The following SPTSSA variants were observed in gnomAD, a reference collection of about 807,000 sequenced individuals.
The protein encoded by SPTSSA is serine palmitoyltransferase small subunit A.
SPTSSA carries 8 observed loss-of-function variants against 9.1 expected under a neutral mutation model. The ratio of observed to expected loss-of-function variants is 0.88; its 90% confidence interval spans 0.51 to 1.58. SPTSSA has a LOEUF of 1.58. Among genes scored for constraint, SPTSSA ranks in the 40% most tolerant of loss-of-function variants. SPTSSA has a pLI of 0.00. For synonymous variants in SPTSSA, 42 were observed against 37.7 expected (o/e 1.11, Z -0.41); for missense variants, 100 against 93.8 (o/e 1.07, Z -0.27).
At chr14:34,462,069 C>G in intron 1 of SPTSSA, 27 bp downstream of exon 1, 2 of 1,354,088 alleles carry the variant, frequency 1.5e-6, no homozygotes, top group African/African-American at 3.0e-5. Flanking sequence ...CAGCCCGGCC[C>G]CCGCGCGCGC....
chr14:34,453,657 T>C lies in SPTSSA; in HGVS notation c.112+8439A>G, dbSNP rs142808155. 2.7e-4 allele frequency among the ~76,000 whole-genome samples: 41 copies of C among 152,350 alleles called. No homozygotes were observed. In the East Asian group the frequency reaches 7.7e-3, roughly 29 times the overall value. ...ATACATTTTAAGTGGTCTGACTCAA[T>C]AATATTTTCCTATAAACCATATTAT... On this transcript the variant is annotated intron_variant, in intron 1 of 1. Transcript: ENST00000298130.
chr14:34,456,980 T>TTAC (rs1435579828), intron 1 of SPTSSA, among the ~76,000 whole-genome samples: 1 of 147,480 alleles, frequency 6.8e-6, no homozygotes, highest in Admixed American at 6.8e-5. Flanking sequence ...ATTACTATTA[T>TTAC]TATTATTATT....
At chr14:34,459,279 C>T (rs1878561499) in intron 1 of SPTSSA, among the ~76,000 whole-genome samples, 1 of 148,800 alleles carries the variant, frequency 6.7e-6, no homozygotes, top group Non-Finnish European at 1.5e-5. Flanking sequence ...CCACCCCACC[C>T]CCAACTCCGC....
In SPTSSA at chr14:34,451,762, C is replaced by T. The variant is rs1270825308; in HGVS notation, c.112+10334G>A. Among the ~76,000 whole-genome samples, 8 of 150,840 alleles carry T rather than the reference C, an allele frequency of 5.3e-5. No individual in the cohort carries two copies. The South Asian group carries it at 1.7e-3, about 32-fold the overall frequency. ...AATCAATTCTAAAATGCTATTTAAC[C>T]TTAGAAATACTCAAGAGTTGTGATA... On this transcript the variant is annotated intron_variant, in intron 1 of 1. Transcript: ENST00000298130.
At chr14:34,451,753 C>T (rs967498319) in intron 1 of SPTSSA, among the ~76,000 whole-genome samples, 24 of 150,418 alleles carry the variant, frequency 1.6e-4, no homozygotes, top group Non-Finnish European at 2.8e-4. Flanking sequence ...TTCTAAAATG[C>T]TATTTAACCT....
At chr14:34,440,727 C>G in intron 1 of SPTSSA, among the ~76,000 whole-genome samples, 1 of 151,958 alleles carries the variant, frequency 6.6e-6, no homozygotes, top group Admixed American at 6.6e-5. Flanking sequence ...ACTAAAAATA[C>G]AAAATTAGCC....
chr14:34,456,534 T>C (rs546668808), intron 1 of SPTSSA, among the ~76,000 whole-genome samples: 4 of 152,086 alleles, frequency 2.6e-5, no homozygotes, highest in Non-Finnish European at 4.4e-5. Context: ...GGAAACATCA[T>C]CAGCAGCAAA....
intron 1 of SPTSSA, among the ~76,000 whole-genome samples, chr14:34,454,160 G>A (rs925566572): frequency 1.3e-5 from 2 of 152,050 alleles, no homozygotes; most frequent in South Asian, 4.2e-4. Context: ...ACTCCAGCCT[G>A]GGCAACAGAG....
chr14:34,459,893 T>C (rs1033479075), intron 1 of SPTSSA, among the ~76,000 whole-genome samples: 29 of 152,188 alleles, frequency 1.9e-4, no homozygotes, highest in African/African-American at 6.5e-4. Context: ...AAATTTTAGG[T>C]TTCTAGGATT....
At chr14:34,451,493 G>A (rs1451937924) in intron 1 of SPTSSA, among the ~76,000 whole-genome samples, 1 of 152,130 alleles carries the variant, frequency 6.6e-6, no homozygotes, top group African/African-American at 2.4e-5. Context: ...GGAGGCCAAG[G>A]TGGGCAGATC....
intron 1 of SPTSSA, among the ~76,000 whole-genome samples, chr14:34,451,929 CTT>C (rs1555315127): frequency 6.6e-6 from 1 of 151,998 alleles, no homozygotes; most frequent in Non-Finnish European, 1.5e-5. Context: ...GGAAAGCTTC[CTT>C]ATTACTGTAG....
chr14:34,447,868 T>C (rs1414866240), intron 1 of SPTSSA, among the ~76,000 whole-genome samples: 1 of 152,190 alleles, frequency 6.6e-6, no homozygotes, highest in Non-Finnish European at 1.5e-5. Context: ...CCAAATTCAT[T>C]CCCTCTCGCC....
At chr14:34,450,490 G>A (rs113909640) in intron 1 of SPTSSA, among the ~76,000 whole-genome samples, 1,656 of 152,286 alleles carry the variant, frequency 0.011, 33 homozygotes, top group African/African-American at 0.038. Flanking sequence ...ACAAAGTAAT[G>A]GAGTAATCTT....
intron 1 of SPTSSA, among the ~76,000 whole-genome samples, chr14:34,443,589 G>A (rs1421133882): frequency 7.0e-6 from 1 of 143,384 alleles, no homozygotes; most frequent in Non-Finnish European, 1.5e-5. Flanking sequence ...CAGCTGGAGT[G>A]CAATGGCACA....
chr14:34,439,380 G>C (rs1277205847), intron 1 of SPTSSA, among the ~76,000 whole-genome samples: 1 of 152,136 alleles, frequency 6.6e-6, no homozygotes, highest in Non-Finnish European at 1.5e-5. Flanking sequence ...GCTCATGCCT[G>C]TAATTCCAGC....
chr14:34,442,252 T>C (rs554308523), intron 1 of SPTSSA, among the ~76,000 whole-genome samples: 1 of 152,236 alleles, frequency 6.6e-6, no homozygotes, highest in Non-Finnish European at 1.5e-5. Context: ...GTGGCGCAGC[T>C]TGGAGCAAAC....
In SPTSSA at chr14:34,462,240, T is replaced by C. The variant is rs766604785; in HGVS notation, c.-33A>G. ...CCGCGATGCAGCTCACACGTCAGTC[T>C]GTCCGGCCGGCCGCCCGCTCACGTC... On this transcript the variant is annotated 5_prime_UTR_variant, in exon 1 of 2. Transcript: ENST00000298130. The C allele has an allele frequency of 1.4e-6, 2 of 1,448,272 alleles. No homozygotes were observed. The highest frequency in any genetic ancestry group is 1.5e-5 in the African/African-American group (1 of 66,850). 89.7% of individuals were successfully genotyped at this position (1,448,272 alleles called of 1,614,324 possible).
At chr14:34,455,906 T>C (rs1055613749) in intron 1 of SPTSSA, among the ~76,000 whole-genome samples, 5 of 151,322 alleles carry the variant, frequency 3.3e-5, no homozygotes, top group Non-Finnish European at 7.4e-5. Context: ...TACTCCAGCC[T>C]GGGCAACAGA....
chr14:34,432,910 A>C lies in SPTSSA; in HGVS notation c.*2291T>G, dbSNP rs192084982. ...TGGTGTAAATGTAACTTTTATATGC[A>C]GGGGAAAACCAAAAAACTTCATGTG... On this transcript the variant is annotated 3_prime_UTR_variant, in exon 2 of 2. Coordinates refer to ENST00000298130, the MANE Select transcript of SPTSSA (RefSeq NM_138288.4). The C allele has an allele frequency of 6.6e-6, 1 of 152,220 alleles. No homozygotes were observed. The highest frequency in any genetic ancestry group is 1.9e-4 in the East Asian group (1 of 5,188). The allele number at this position is 152,220 out of a possible 1,614,324, so 9.4% of individuals were successfully genotyped here.
Sources: allele counts gnomAD v4.1 joint callset (sites outside exome capture counted in the v4.1 genomes callset), GRCh38; gene constraint gnomAD v4.1.1; transcripts MANE v1.5; gene names NCBI Gene and HGNC (gene_info 2026-07-23, HGNC 2026-07-21).